Variants in EYS observed in about 807,000 individuals in gnomAD.
EYS encodes EGF-like photoreceptor maintenance factor, also known as protein eyes shut homolog.
A neutral mutation model predicts 282.1 loss-of-function variants in EYS; 250 were observed. The ratio of observed to expected loss-of-function variants is 0.89; its 90% confidence interval spans 0.80 to 0.98. The LOEUF (loss-of-function observed/expected upper bound fraction) is 0.98, where lower values mean the gene tolerates loss of function less well. Among genes scored for constraint, EYS ranks in the 50% least tolerant of loss-of-function variants. EYS has a pLI of 0.00. For synonymous variants in EYS, 1,355 were observed against 1,282.9 expected (o/e 1.06, Z -1.20); for missense variants, 4,016 against 3,709.0 (o/e 1.08, Z -2.15).
intron 9 of EYS, among the ~76,000 whole-genome samples, chr6:65,353,055 C>T (rs1376604011): frequency 6.6e-6 from 1 of 151,800 alleles, no homozygotes; most frequent in Non-Finnish European, 1.5e-5. Context: ...TCTCAATTGC[C>T]CAGTTTTTTT....
At chr6:65,560,441 G>T (rs1350237533) in intron 2 of EYS, among the ~76,000 whole-genome samples, 3 of 145,902 alleles carry the variant, frequency 2.1e-5, no homozygotes, top group East Asian at 2.0e-4. Context: ...TGTATATATT[G>T]CAGGACACAA....
chr6:64,725,689 A>T (rs1458080984), intron 22 of EYS, among the ~76,000 whole-genome samples: 5 of 152,084 alleles, frequency 3.3e-5, no homozygotes, highest in Non-Finnish European at 7.4e-5. Flanking sequence ...CCATCCACCA[A>T]GACCTCCAGC....
chr6:64,144,459 T>C (rs77245664), intron 31 of EYS, among the ~76,000 whole-genome samples: 3,803 of 152,204 alleles, frequency 0.025, 145 homozygotes, highest in African/African-American at 0.086. Flanking sequence ...GCACTATACT[T>C]CAATTTGCTA....
Position 64,617,480 on chromosome 6 carries a change from C to T in EYS, c.3622G>A (p.Val1208Ile). The stretch of plus-strand genomic sequence containing the variant: ...TCATTCTCCATGCAGAGTTCATGAA[C>T]ACATGAGTTGGGAATGCACTCAAGC... ...NELECIPNSC[V>I]HELCMENEPG... The change falls in exon 24 of 43, where the codon GTT becomes ATT. Residue 1208 changes from valine to isoleucine, a missense_variant. Transcript: ENST00000503581. 2 of 1,551,000 alleles carry T rather than the reference C, an allele frequency of 1.3e-6. No homozygotes were observed. The highest frequency in any genetic ancestry group is 1.2e-5 in the South Asian group (1 of 84,040).
At chr6:63,793,743 T>G (rs1352042788) in intron 37 of EYS, among the ~76,000 whole-genome samples, 1 of 152,178 alleles carries the variant, frequency 6.6e-6, no homozygotes, top group Non-Finnish European at 1.5e-5. Flanking sequence ...ACAAGGGAGT[T>G]TGCCTTTTTA....
At chr6:65,553,000 G>T (rs1768656343) in intron 2 of EYS, among the ~76,000 whole-genome samples, 1 of 152,076 alleles carries the variant, frequency 6.6e-6, no homozygotes, top group Non-Finnish European at 1.5e-5. Context: ...ATTCAAATCG[G>T]CACTTTGGTT....
intron 13 of EYS, among the ~76,000 whole-genome samples, chr6:65,006,491 GTTAT>G (rs1251782467): frequency 1.3e-5 from 1 of 79,976 alleles, no homozygotes; most frequent in Non-Finnish European, 2.1e-5. Context: ...CCAGTTCAGA[GTTAT>G]TCTAAGTCAA....
chr6:64,455,380 T>C (rs1775521618), intron 26 of EYS, among the ~76,000 whole-genome samples: 1 of 152,154 alleles, frequency 6.6e-6, no homozygotes, highest in African/African-American at 2.4e-5. Context: ...TGATTTTTCA[T>C]GTAAGACTTT....
chr6:63,888,393 G>T (rs13191865), intron 35 of EYS, among the ~76,000 whole-genome samples: 4,586 of 152,338 alleles, frequency 0.03, 78 homozygotes, highest in Non-Finnish European at 0.05. Context: ...GGAGAGCTCT[G>T]TCTGGCATCT....
intron 12 of EYS, among the ~76,000 whole-genome samples, chr6:65,087,031 C>T (rs1002774961): frequency 6.6e-6 from 1 of 151,988 alleles, no homozygotes; most frequent in African/African-American, 2.4e-5. Context: ...CCATGTTGGC[C>T]AGAACAGTCT....
intron 2 of EYS, among the ~76,000 whole-genome samples, chr6:65,528,972 A>G (rs931686955): frequency 3.3e-5 from 5 of 152,230 alleles, no homozygotes; most frequent in Admixed American, 3.3e-4. Context: ...TTCAAGAGAA[A>G]GATAAGAAAT....
intron 35 of EYS, among the ~76,000 whole-genome samples, chr6:63,890,975 C>G (rs1181834378): frequency 6.6e-6 from 1 of 152,194 alleles, no homozygotes; most frequent in African/African-American, 2.4e-5. Flanking sequence ...CACAAATAAA[C>G]TAGAAAATCT....
chr6:64,831,816 A>G lies in EYS; in HGVS notation c.2993-8994T>C, dbSNP rs189196102. Reference sequence around the variant, plus strand: ...AAATTTTAAAGAAGACATTCAAAATATCCTTCACAAAATTGCTAAGACAAG... The same window carrying G: ...AAATTTTAAAGAAGACATTCAAAATGTCCTTCACAAAATTGCTAAGACAAG... On this transcript the variant is annotated intron_variant, in intron 19 of 42. Transcript: ENST00000503581. Among the ~76,000 whole-genome samples the G allele has an allele frequency of 1.1e-3, 162 of 152,118 alleles. 1 individual carries two copies. Among genetic ancestry groups the G allele is most frequent in the African/African-American group, 3.8e-3 (160 of 41,566 alleles).
chr6:65,580,406 T>C (rs1049356869), intron 2 of EYS, among the ~76,000 whole-genome samples: 2 of 152,088 alleles, frequency 1.3e-5, no homozygotes, highest in African/African-American at 2.4e-5. Flanking sequence ...GTCTAGTAAC[T>C]ACTAGCCTGA....
intron 2 of EYS, among the ~76,000 whole-genome samples, chr6:65,622,098 G>T (rs1012364831): frequency 1.3e-5 from 2 of 152,090 alleles, no homozygotes; most frequent in Non-Finnish European, 2.9e-5. Flanking sequence ...AGCAATAAAG[G>T]GATATCTAAA....
chr6:63,996,167 A>C (rs964650310), intron 34 of EYS, among the ~76,000 whole-genome samples: 2 of 152,046 alleles, frequency 1.3e-5, no homozygotes, highest in Non-Finnish European at 2.9e-5. Flanking sequence ...GAAATCTTTC[A>C]TATGGTACAA....
chr6:65,109,558 G>A (rs970955218), intron 12 of EYS, among the ~76,000 whole-genome samples: 2 of 151,408 alleles, frequency 1.3e-5, no homozygotes, highest in African/African-American at 4.9e-5. Flanking sequence ...AGAAGGTAAA[G>A]TTTTGAGAGC....
intron 19 of EYS, among the ~76,000 whole-genome samples, chr6:64,871,118 C>T (rs969906277): frequency 1.3e-5 from 2 of 151,836 alleles, no homozygotes; most frequent in Non-Finnish European, 2.9e-5. Flanking sequence ...AATTAAGTTT[C>T]TACGATTTTT....
intron 15 of EYS, among the ~76,000 whole-genome samples, chr6:64,945,005 A>G (rs9445442): frequency 0.9 from 135,311 of 150,590 alleles, 60,969 homozygotes; most frequent in African/African-American, 0.98. Context: ...CTCCTACTAC[A>G]TTCCTTTTTG....
Sources: gnomAD v4.1 joint callset for allele counts (sites outside exome capture counted in the v4.1 genomes callset) on GRCh38, gnomAD v4.1.1 for gene constraint, MANE v1.5 for transcripts, NCBI Gene and HGNC (gene_info 2026-07-23, HGNC 2026-07-21) for gene names.